PDE7A: variants seen among roughly 807,000 people sequenced by gnomAD.
PDE7A encodes the protein high affinity 3',5'-cyclic-AMP phosphodiesterase 7A.
In PDE7A, 39 loss-of-function variants were observed where a neutral mutation model predicts 64.3. That is an observed-to-expected ratio of 0.61 (90% CI 0.47 to 0.79). The LOEUF is 0.79. Ranked by LOEUF, PDE7A falls within the 30% of genes least tolerant of loss-of-function variation. PDE7A has a pLI of 0.00. For synonymous variants in PDE7A, 203 were observed against 206.8 expected, an observed-to-expected ratio of 0.98 and a Z score of 0.16; for missense variants, 470 against 582.8, an observed-to-expected ratio of 0.81 and a Z score of 1.99.
In PDE7A at chr8:65,719,263, G is replaced by A; in HGVS notation, c.*27C>T. ...TTCACATTTCTAAAAACCTCCAGGA[G>A]GCAGTTTGTCCCACTGGTTCTGGGG... On this transcript the variant is annotated 3_prime_UTR_variant, in exon 13 of 13. Coordinates refer to ENST00000401827, the MANE Select transcript of PDE7A (RefSeq NM_001242318.3). The A allele has an allele frequency of 1.3e-6, 2 of 1,525,332 alleles. No homozygotes were observed. The highest frequency in any genetic ancestry group is 1.8e-6 in the Non-Finnish European group (2 of 1,099,030). The allele number at this position is 1,525,332 out of a possible 1,614,324, so 94.5% of individuals were successfully genotyped here.
chr8:65,785,712 CTT>C (rs1191486403), intron 1 of PDE7A, among the ~76,000 whole-genome samples: 1 of 152,176 alleles, frequency 6.6e-6, no homozygotes, highest in African/African-American at 2.4e-5. Flanking sequence ...TATGTAATAA[CTT>C]GTCATGACCT....
chr8:65,727,247 T>C lies in PDE7A; in HGVS notation c.751A>G (p.Thr251Ala). The C allele has an allele frequency of 2.5e-6, 4 of 1,613,782 alleles. No individual in the cohort carries two copies. Among genetic ancestry groups the C allele is most frequent in the East Asian group, 4.5e-5 (2 of 44,872 alleles). The change falls in exon 8 of 13, where the codon ACT becomes GCT. Residue 251 changes from threonine to alanine, a missense_variant. Coordinates refer to ENST00000401827, the MANE Select transcript of PDE7A (RefSeq NM_001242318.3). ...DILLSLIAAA[T>A]HDLDHPGVNQ... The stretch of plus-strand genomic sequence containing the variant: ...ACACCTGGATGATCCAGATCATGAG[T>C]GGCAGCTGCAATTAAGCTCAGCAAG...
intron 1 of PDE7A, among the ~76,000 whole-genome samples, chr8:65,807,127 G>T (rs1563514921): frequency 6.6e-6 from 1 of 152,182 alleles, no homozygotes; most frequent in African/African-American, 2.4e-5. Flanking sequence ...AATTTGGGGA[G>T]TACTGCCATT....
At chr8:65,728,015 T>G (rs1806680518) in intron 7 of PDE7A, 1 of 152,218 alleles carries the variant, frequency 6.6e-6, no homozygotes, top group Admixed American at 6.5e-5. Context: ...ATAAAAAAGA[T>G]CACCTTGACT....
At chr8:65,815,080 C>CAAA (rs58731933) in intron 1 of PDE7A, among the ~76,000 whole-genome samples, 1 of 129,794 alleles carries the variant, frequency 7.7e-6, no homozygotes, top group Non-Finnish European at 1.7e-5. Context: ...GACTCCATCT[C>CAAA]AAAAAAAAAA....
chr8:65,819,574 G>T (rs1190234732), intron 1 of PDE7A, among the ~76,000 whole-genome samples: 2 of 152,164 alleles, frequency 1.3e-5, no homozygotes, highest in African/African-American at 4.8e-5. Flanking sequence ...TTAAAGCAAT[G>T]TAAGTATTTA....
rs530196776 is a variant in PDE7A at position 65,771,950 on chromosome 8, G to A, written c.283+7770C>T. ...GAAATATCCTGAAAGCAGGGATAAC[G>A]GTTAGTTAGGAGAATACCAGAACAA... On this transcript the variant is annotated intron_variant, in intron 3 of 12. Coordinates refer to ENST00000401827, the MANE Select transcript of PDE7A (RefSeq NM_001242318.3). 1.1e-4 allele frequency among the ~76,000 whole-genome samples: 17 copies of A among 150,502 alleles called. No individual in the cohort carries two copies. The East Asian group carries it at 1.4e-3, about 12-fold the overall frequency.
chr8:65,795,182 T>C (rs1236620998), intron 1 of PDE7A, among the ~76,000 whole-genome samples: 1 of 152,232 alleles, frequency 6.6e-6, no homozygotes, highest in African/African-American at 2.4e-5. Context: ...TTTTCAGATG[T>C]TAGACAGCAA....
chr8:65,786,516 T>C (rs1241045869), intron 1 of PDE7A, among the ~76,000 whole-genome samples: 1 of 152,188 alleles, frequency 6.6e-6, no homozygotes, highest in East Asian at 1.9e-4. Flanking sequence ...ACAATAAAAA[T>C]TTGACCTCCG....
chr8:65,722,949 G>A (rs1455793215), intron 12 of PDE7A: 1 of 152,208 alleles, frequency 6.6e-6, no homozygotes, highest in East Asian at 1.9e-4. Context: ...GAGGCACAAA[G>A]AGCGAAAGAA....
rs776130603 is a variant in PDE7A, at chr8:65,779,707, T to C, written c.283+13A>G. 5 of 1,370,384 alleles carry C rather than the reference T, an allele frequency of 3.6e-6. No homozygotes were observed. Among genetic ancestry groups the C allele is most frequent in the Middle Eastern group, 1.8e-4 (1 of 5,592 alleles). 84.9% of individuals were successfully genotyped at this position (1,370,384 alleles called of 1,614,324 possible). ...GTGAAAATCCGAGAAACTTCATGTC[T>C]ACCAACACTTACAGTGGAAAATACG... On this transcript the variant is annotated intron_variant, in intron 3 of 12. Transcript: ENST00000401827.
intron 1 of PDE7A, among the ~76,000 whole-genome samples, chr8:65,807,999 T>G (rs1810150490): frequency 6.6e-6 from 1 of 152,198 alleles, no homozygotes; most frequent in East Asian, 1.9e-4. Context: ...ACAACGAGTG[T>G]CATACTGGAG....
intron 1 of PDE7A, among the ~76,000 whole-genome samples, chr8:65,813,600 TAA>T (rs746991733): frequency 7.2e-5 from 11 of 152,180 alleles, no homozygotes; most frequent in South Asian, 2.1e-4. Flanking sequence ...TTGACAAAAT[TAA>T]GTTATAATTT....
chr8:65,766,583 C>T (rs60860867), intron 3 of PDE7A, among the ~76,000 whole-genome samples: 17,889 of 152,204 alleles, frequency 0.12, 1,084 homozygotes, highest in Non-Finnish European at 0.12. Flanking sequence ...TCAGTGTAAA[C>T]CACTCTATGG....
At chr8:65,787,346 C>T (rs759486639) in intron 1 of PDE7A, among the ~76,000 whole-genome samples, 4 of 152,114 alleles carry the variant, frequency 2.6e-5, no homozygotes, top group Admixed American at 6.5e-5. Flanking sequence ...GGCTTAAACA[C>T]GGGAGCACTG....
At chr8:65,841,065 A>G (rs989744294) in intron 1 of PDE7A, among the ~76,000 whole-genome samples, 4 of 152,184 alleles carry the variant, frequency 2.6e-5, no homozygotes, top group Admixed American at 6.5e-5. Context: ...CAACTTCCAG[A>G]CCGAAAAAGA....
intron 3 of PDE7A, among the ~76,000 whole-genome samples, chr8:65,776,563 T>A (rs1052962996): frequency 2.0e-5 from 3 of 152,208 alleles, no homozygotes; most frequent in African/African-American, 7.2e-5. Context: ...TCTATTTAAG[T>A]TATCTTTAAT....
intron 1 of PDE7A, among the ~76,000 whole-genome samples, chr8:65,807,673 T>C (rs1027372468): frequency 2.6e-5 from 4 of 152,244 alleles, no homozygotes; most frequent in East Asian, 1.9e-4. Context: ...TTCTTGTAGA[T>C]GCCCTTTATC....
At position 65,763,561 on chromosome 8, in the gene PDE7A, G is replaced by A. The variant is rs576896618; in HGVS notation, c.284-15758C>T. The stretch of plus-strand genomic sequence containing the variant: ...ACCTGGGCAACAAGAGTGAAACTCC[G>A]TCTCAAAAAAAAAAAGATTGATTAC... On this transcript the variant is annotated intron_variant, in intron 3 of 12. Transcript: ENST00000401827. 6.7e-5 allele frequency among the ~76,000 whole-genome samples: 8 copies of A among 119,710 alleles called. No homozygotes were observed. The East Asian group carries it at 8.1e-4, about 12-fold the overall frequency. The allele number at this position is 119,710 out of a possible 152,430, so 78.5% of individuals were successfully genotyped here.
Sources: gnomAD v4.1 joint callset for allele counts (sites outside exome capture counted in the v4.1 genomes callset) on GRCh38, gnomAD v4.1.1 for gene constraint, MANE v1.5 for transcripts, NCBI Gene and HGNC (gene_info 2026-07-23, HGNC 2026-07-21) for gene names.